INPP5B: variants seen among roughly 807,000 people sequenced by gnomAD.
The protein encoded by INPP5B is inositol polyphosphate-5-phosphatase B, also known as type II inositol 1,4,5-trisphosphate 5-phosphatase.
INPP5B carries 90 observed loss-of-function variants against 118.5 expected under a neutral mutation model. The ratio of observed to expected loss-of-function variants is 0.76; its 90% confidence interval spans 0.64 to 0.90. The LOEUF is 0.90. Among genes scored for constraint, INPP5B ranks in the 40% least tolerant of loss-of-function variants. INPP5B has a pLI of 0.00. For synonymous variants in INPP5B, 385 were observed against 418.9 expected (o/e 0.92, Z 0.99); for missense variants, 984 against 1,125.6 (o/e 0.87, Z 1.80).
chr1:37,864,462 G>T, intron 22 of INPP5B, 39 bp from the exon 23 acceptor site: 1 of 1,226,028 alleles, frequency 8.2e-7, no homozygotes, highest in Non-Finnish European at 1.2e-6. Context: ...TTTGTTCACT[G>T]AATCATTTCT....
At chr1:37,906,007 T>A (rs1018782773) in intron 7 of INPP5B, among the ~76,000 whole-genome samples, 6 of 152,266 alleles carry the variant, frequency 3.9e-5, no homozygotes, top group Non-Finnish European at 5.9e-5. Context: ...AAACTATTTG[T>A]GAGTATTCTC....
At chr1:37,877,818 A>C (rs745956298) in intron 16 of INPP5B, among the ~76,000 whole-genome samples, 9 of 152,210 alleles carry the variant, frequency 5.9e-5, no homozygotes, top group Non-Finnish European at 1.0e-4. Context: ...AGATCTCCTA[A>C]GACATATTCA....
At chr1:37,879,727 T>C (rs983512749) in intron 15 of INPP5B, among the ~76,000 whole-genome samples, 3 of 152,066 alleles carry the variant, frequency 2.0e-5, no homozygotes, top group Admixed American at 1.3e-4. Context: ...CATTGTACCC[T>C]AGCCTGGATG....
intron 5 of INPP5B, chr1:37,941,958 A>AAATATATATAT (rs1427344681): frequency 3.3e-5 from 1 of 30,386 alleles, no homozygotes; most frequent in African/African-American, 1.5e-4. Context: ...AAAAAAAAAA[A>AAATATATATAT]ATATATATAT....
At chr1:37,865,961 T>A (rs2148445063) in intron 21 of INPP5B, 73 bp from the exon 22 acceptor site, 1 of 1,585,552 alleles carries the variant, frequency 6.3e-7, no homozygotes. Flanking sequence ...AGCAAGCACA[T>A]GCCAGAAGTG....
At chr1:37,862,564 G>C in intron 23 of INPP5B, 134 bp from the exon 24 acceptor site, 1 of 656,646 alleles carries the variant, frequency 1.5e-6, no homozygotes. Flanking sequence ...ATCATAGCGT[G>C]TACTTAAACT....
intron 7 of INPP5B, among the ~76,000 whole-genome samples, chr1:37,917,821 T>C (rs1394378983): frequency 6.6e-6 from 1 of 152,150 alleles, no homozygotes; most frequent in Admixed American, 6.5e-5. Flanking sequence ...ACTAGCACAT[T>C]GGACAGTGCA....
chr1:37,865,037 A>C (rs112714014), intron 22 of INPP5B, among the ~76,000 whole-genome samples: 6 of 152,108 alleles, frequency 3.9e-5, no homozygotes, highest in Non-Finnish European at 5.9e-5. Context: ...AAATACAAAA[A>C]TTAGCCAGGC....
chr1:37,886,993 G>A lies in INPP5B; in HGVS notation c.1026C>T (p.Ile342=). The A allele has an allele frequency of 1.2e-6, 2 of 1,613,862 alleles. No individual in the cohort carries two copies. Among genetic ancestry groups the A allele is most frequent in the African/African-American group, 2.7e-5 (2 of 75,028 alleles). ...ACAGCAGCATAATCCCAACCAGTCG[G>A]ATAAGCTTCACCTGGAAAAGAGAGA... ...PDAKYAKVKL[I]RLVGIMLLLY... The change falls in exon 12 of 24, where the codon ATC becomes ATT. Residue 342 remains isoleucine (I), a synonymous_variant. Coordinates refer to ENST00000373024, the MANE Select transcript of INPP5B (RefSeq NM_005540.3).
chr1:37,873,512 T>G (rs868628913), intron 18 of INPP5B: 1 of 347,424 alleles, frequency 2.9e-6, no homozygotes, highest in African/African-American at 2.1e-5. Flanking sequence ...ACTGACTCAG[T>G]AGAAGTGTAA....
chr1:37,873,901 T>G lies in INPP5B; in HGVS notation c.1951+92A>C, dbSNP rs1466024117. On this transcript the variant is annotated intron_variant, in intron 18 of 23. Coordinates refer to ENST00000373024, the MANE Select transcript of INPP5B (RefSeq NM_005540.3). ...AAGCCTCAAGCAGAGAATAAAACAC[T>G]CAAGCAAAAAGCTCATTTTAGGAAA... 4 of 1,006,966 alleles carry G rather than the reference T, an allele frequency of 4.0e-6. No homozygotes were observed. The East Asian group carries it at 1.1e-4, about 29-fold the overall frequency. The allele number at this position is 1,006,966 out of a possible 1,614,324, so 62.4% of individuals were successfully genotyped here. A position where few individuals can be genotyped will look rare whatever the true frequency, so the allele number is the denominator to read the frequency against.
At chr1:37,897,068 A>G (rs1462180605) in intron 7 of INPP5B, among the ~76,000 whole-genome samples, 1 of 142,520 alleles carries the variant, frequency 7.0e-6, no homozygotes, top group Non-Finnish European at 1.5e-5. Flanking sequence ...GGAAGTGAGG[A>G]GCCCCTCTGC....
intron 7 of INPP5B, among the ~76,000 whole-genome samples, chr1:37,925,137 G>A (rs908061874): frequency 6.6e-6 from 1 of 151,898 alleles, no homozygotes; most frequent in African/African-American, 2.4e-5. Context: ...TCACACCACT[G>A]CACTCCAGCC....
In INPP5B at chr1:37,861,062, C is replaced by T. The variant is rs989940734; in HGVS notation, c.*1253G>A. The T allele has an allele frequency of 6.6e-6, 1 of 152,232 alleles. No individual in the cohort carries two copies. The highest frequency in any genetic ancestry group is 1.5e-5 in the Non-Finnish European group (1 of 68,068). The allele number at this position is 152,232 out of a possible 1,614,324, so 9.4% of individuals were successfully genotyped here. ...CAGCCTGGTCCCAAACTCCTGGTCT[C>T]AAGTGATGCTCCCACCTCAGTCTCC... On this transcript the variant is annotated 3_prime_UTR_variant, in exon 24 of 24. Coordinates refer to ENST00000373024, the MANE Select transcript of INPP5B (RefSeq NM_005540.3).
chr1:37,921,472 T>G (rs1645050550), intron 7 of INPP5B, among the ~76,000 whole-genome samples: 1 of 152,198 alleles, frequency 6.6e-6, no homozygotes, highest in South Asian at 2.1e-4. Context: ...ATAACCATGT[T>G]TAGTTTTCTT....
rs181985161 is a variant in INPP5B at position 37,891,060 on chromosome 1, C to G, written c.629+298G>C. 2.8e-3 allele frequency among the ~76,000 whole-genome samples: 426 copies of G among 151,972 alleles called. 2 individuals carry two copies. Among genetic ancestry groups the G allele is most frequent in the Non-Finnish European group, 4.6e-3 (314 of 67,966 alleles). The stretch of plus-strand genomic sequence containing the variant: ...TGACCAACATGGAGAAAACCCATCT[C>G]TATTAAAAATACAAAATTAGCCAGG... On this transcript the variant is annotated intron_variant, in intron 8 of 23. Transcript: ENST00000373024.
At chr1:37,918,801 T>C (rs929470660) in intron 7 of INPP5B, among the ~76,000 whole-genome samples, 1 of 152,172 alleles carries the variant, frequency 6.6e-6, no homozygotes, top group African/African-American at 2.4e-5. Context: ...CCTAGCACAA[T>C]GCCTGGTACA....
intron 19 of INPP5B, among the ~76,000 whole-genome samples, chr1:37,871,403 A>T (rs1288635830): frequency 6.6e-6 from 1 of 151,874 alleles, no homozygotes; most frequent in Non-Finnish European, 1.5e-5. Flanking sequence ...GGTTGCAGTA[A>T]GCCACGATCG....
At chr1:37,885,298 C>T (rs1228801260) in intron 13 of INPP5B, among the ~76,000 whole-genome samples, 1 of 151,910 alleles carries the variant, frequency 6.6e-6, no homozygotes. Context: ...CCTGTAGTCC[C>T]AGCTACTCAG....
Sources: gnomAD v4.1 joint callset for allele counts (sites outside exome capture counted in the v4.1 genomes callset) on GRCh38, gnomAD v4.1.1 for gene constraint, MANE v1.5 for transcripts, NCBI Gene and HGNC (gene_info 2026-07-23, HGNC 2026-07-21) for gene names.